Variants in SEPTIN10 observed in about 807,000 individuals in gnomAD.
SEPTIN10 encodes septin-10.
A neutral mutation model predicts 54.8 loss-of-function variants in SEPTIN10; 66 were observed. The ratio of observed to expected loss-of-function variants is 1.21; its 90% confidence interval spans 0.99 to 1.48. The LOEUF (loss-of-function observed/expected upper bound fraction) is 1.48. Ranked by LOEUF, SEPTIN10 falls within the 40% of genes most tolerant of loss-of-function variation. The pLI is 0.00. For synonymous variants in SEPTIN10, 161 were observed against 181.0 expected, an observed-to-expected ratio of 0.89 and a Z score of 0.89; for missense variants, 620 against 545.6, an observed-to-expected ratio of 1.14 and a Z score of -1.36.
intron 8 of SEPTIN10, among the ~76,000 whole-genome samples, chr2:109,560,067 C>T (rs1685298750): frequency 6.6e-6 from 1 of 151,990 alleles, no homozygotes; most frequent in African/African-American, 2.4e-5. Flanking sequence ...ACTACAGGTG[C>T]CCGCCACCAC....
In SEPTIN10 at chr2:109,543,387, T is replaced by C. The variant is rs1433328048; in HGVS notation, c.*922A>G. On this transcript the variant is annotated 3_prime_UTR_variant, in exon 11 of 11. Transcript: ENST00000397712. ...GGATGTTTTAACTTTTAAAGATATTTTGTTTCACCACAGTAATACGTCAGC... is the reference window on the plus strand; with the variant it reads ...GGATGTTTTAACTTTTAAAGATATTCTGTTTCACCACAGTAATACGTCAGC... 6.6e-6 allele frequency: 1 copy of C among 152,180 alleles called. No homozygotes were observed. Among genetic ancestry groups the C allele is most frequent in the Non-Finnish European group, 1.5e-5 (1 of 68,012 alleles). The allele number at this position is 152,180 out of a possible 1,614,324, so 9.4% of individuals were successfully genotyped here.
chr2:109,598,053 GT>G (rs1224096946), intron 1 of SEPTIN10, among the ~76,000 whole-genome samples: 2 of 151,998 alleles, frequency 1.3e-5, no homozygotes, highest in East Asian at 1.9e-4. Context: ...TTAGCTTTAT[GT>G]TTTTTTGTTT....
intron 2 of SEPTIN10, among the ~76,000 whole-genome samples, chr2:109,590,043 T>TATATGTGTGTGTATATATATACACACAC (rs1693585712): frequency 7.4e-6 from 1 of 134,842 alleles, no homozygotes; most frequent in African/African-American, 3.5e-5. Flanking sequence ...TATACACACA[T>TATATGTGTGTGTATATATATACACACAC]ATATATGTGT....
chr2:109,545,628 C>T (rs1233624916), intron 10 of SEPTIN10: 23 of 1,523,444 alleles, frequency 1.5e-5, no homozygotes, highest in Non-Finnish European at 1.8e-5. Flanking sequence ...CAATAAAATA[C>T]TATCTTATGT....
chr2:109,610,879 TACAC>T (rs1359930595), intron 1 of SEPTIN10, among the ~76,000 whole-genome samples: 6 of 152,242 alleles, frequency 3.9e-5, no homozygotes, highest in African/African-American at 7.2e-5. Flanking sequence ...TTCTAAAACT[TACAC>T]AGAGAGGCAC....
At chr2:109,547,482 T>C (rs1477632324) in intron 9 of SEPTIN10, among the ~76,000 whole-genome samples, 1 of 151,942 alleles carries the variant, frequency 6.6e-6, no homozygotes, top group Non-Finnish European at 1.5e-5. Flanking sequence ...AGATTTCTCT[T>C]AAGTGAAAAA....
rs1479754850 is a variant in SEPTIN10 at position 109,565,020 on chromosome 2, T to TA, written c.860-487dup. Among the ~76,000 whole-genome samples, 30 of 152,222 alleles carry TA rather than the reference T, an allele frequency of 2.0e-4. 1 individual carries two copies. Among genetic ancestry groups the TA allele is most frequent in the Admixed American group, 1.8e-3 (28 of 15,280 alleles). On this transcript the variant is annotated intron_variant, in intron 7 of 10. Coordinates refer to ENST00000397712, the MANE Select transcript of SEPTIN10 (RefSeq NM_144710.5). ...ATAGAACACATTTATGATCCTGTGT[T>TA]AGACACTATTCAAAATTAGTGAACA...
chr2:109,582,804 A>G (rs761158220), intron 4 of SEPTIN10, among the ~76,000 whole-genome samples: 6 of 152,234 alleles, frequency 3.9e-5, no homozygotes, highest in Non-Finnish European at 7.3e-5. Flanking sequence ...TAACCAAGAC[A>G]GCATGGTTGT....
At chr2:109,579,312 AT>A in intron 4 of SEPTIN10, among the ~76,000 whole-genome samples, 1 of 151,634 alleles carries the variant, frequency 6.6e-6, no homozygotes, top group Non-Finnish European at 1.5e-5. Flanking sequence ...CCAGGCACTG[AT>A]TTTTTTTATT....
chr2:109,595,012 G>C (rs28624186), intron 1 of SEPTIN10: 16 of 151,558 alleles, frequency 1.1e-4, no homozygotes, highest in African/African-American at 3.6e-4. Flanking sequence ...TCAGCCTCCC[G>C]AGCAGCTGGG....
intron 1 of SEPTIN10, chr2:109,613,319 G>T (rs1021459261): frequency 2.3e-6 from 1 of 436,222 alleles, no homozygotes; most frequent in African/African-American, 2.1e-5. Context: ...CCCAATGGAG[G>T]AAAACTTGGA....
At position 109,613,565 on chromosome 2, in the gene SEPTIN10, G is replaced by A. The variant is rs931857635; in HGVS notation, c.30+233C>T. On this transcript the variant is annotated intron_variant, in intron 1 of 10. Transcript: ENST00000397712. ...TCAAGAACTCTCCCACCGTCCCGAC[G>A]CTGGCGCCGCGCCCCGCGAACCGGG... 1.8e-4 allele frequency: 46 copies of A among 253,790 alleles called. 1 individual carries two copies. The highest frequency in any genetic ancestry group is 4.4e-5 in the Non-Finnish European group (6 of 136,006). The allele number at this position is 253,790 out of a possible 1,614,324, so 15.7% of individuals were successfully genotyped here.
chr2:109,552,986 T>A, intron 9 of SEPTIN10, 101 bp downstream of exon 9: 1 of 1,306,786 alleles, frequency 7.7e-7, no homozygotes, highest in African/African-American at 1.5e-5. Context: ...AAAGAACAAG[T>A]AGCCTACAAA....
At chr2:109,574,807 G>C (rs764717391) in intron 4 of SEPTIN10, 40 bp from the exon 5 acceptor site, 1 of 1,419,828 alleles carries the variant, frequency 7.0e-7, no homozygotes, top group South Asian at 1.6e-5. Flanking sequence ...CATTATTTGT[G>C]CTACCTTAAG....
At chr2:109,549,926 A>T (rs1282361601) in intron 9 of SEPTIN10, among the ~76,000 whole-genome samples, 2 of 152,218 alleles carry the variant, frequency 1.3e-5, no homozygotes, top group Admixed American at 1.3e-4. Context: ...CTGAAACCTC[A>T]GAAAGCCATA....
At chr2:109,564,686 G>A (rs1686545871) in intron 7 of SEPTIN10, 152 bp from the exon 8 acceptor site, 1 of 638,748 alleles carries the variant, frequency 1.6e-6, no homozygotes, top group Non-Finnish European at 2.4e-6. Context: ...TTTTATACAT[G>A]TAACCAAGGA....
intron 1 of SEPTIN10, among the ~76,000 whole-genome samples, chr2:109,608,069 T>C (rs1354936528): frequency 6.6e-6 from 1 of 152,220 alleles, no homozygotes; most frequent in Non-Finnish European, 1.5e-5. Flanking sequence ...TCTATACACA[T>C]AGAATTAAAC....
At chr2:109,578,659 C>T (rs746025553) in intron 4 of SEPTIN10, among the ~76,000 whole-genome samples, 2 of 151,892 alleles carry the variant, frequency 1.3e-5, no homozygotes, top group Non-Finnish European at 2.9e-5. Context: ...CCCAGCTACT[C>T]GGGAGGCTGA....
chr2:109,566,891 A>C (rs926751671), intron 6 of SEPTIN10, among the ~76,000 whole-genome samples: 2 of 152,202 alleles, frequency 1.3e-5, no homozygotes, highest in Non-Finnish European at 2.9e-5. Context: ...TTAATATTTT[A>C]AAATTGACAT....
Sources: allele counts gnomAD v4.1 joint callset (sites outside exome capture counted in the v4.1 genomes callset), GRCh38; gene constraint gnomAD v4.1.1; transcripts MANE v1.5; gene names NCBI Gene and HGNC (gene_info 2026-07-23, HGNC 2026-07-21).